The following SPIDR variants were observed in gnomAD, a reference collection of about 807,000 sequenced individuals.
SPIDR encodes DNA repair-scaffolding protein.
SPIDR carries 93 observed loss-of-function variants against 104.6 expected under a neutral mutation model. The ratio of observed to expected loss-of-function variants is 0.89; its 90% CI spans 0.75 to 1.06. The LOEUF is 1.06. SPIDR is among the 50% of genes least tolerant of loss of function. The pLI is 0.00. For missense variants in SPIDR, 1,154 were observed against 1,111.2 expected (o/e 1.04, Z -0.55); for synonymous variants, 431 against 416.9 (o/e 1.03, Z -0.41).
chr8:47,591,543 C>T (rs1207015261), intron 8 of SPIDR, among the ~76,000 whole-genome samples: 1 of 151,758 alleles, frequency 6.6e-6, no homozygotes, highest in Non-Finnish European at 1.5e-5. Context: ...TGGTCACAAG[C>T]TTTTTTTGAA....
At chr8:47,319,419 A>T (rs1407335569) in intron 5 of SPIDR, among the ~76,000 whole-genome samples, 1 of 152,224 alleles carries the variant, frequency 6.6e-6, no homozygotes, top group Non-Finnish European at 1.5e-5. Context: ...TATGCACCCA[A>T]TACGGGAGCA....
intron 10 of SPIDR, among the ~76,000 whole-genome samples, chr8:47,654,425 G>A (rs984026859): frequency 2.0e-5 from 3 of 152,210 alleles, no homozygotes; most frequent in Non-Finnish European, 4.4e-5. Flanking sequence ...GAGACTCAGT[G>A]ACTGGGAGAA....
At chr8:47,726,596 C>T (rs925232475) in intron 16 of SPIDR, among the ~76,000 whole-genome samples, 5 of 152,222 alleles carry the variant, frequency 3.3e-5, no homozygotes, top group Admixed American at 2.0e-4. Flanking sequence ...GCTGAGGCCC[C>T]GTGTGGCCCG....
At chr8:47,509,627 A>T (rs1486893058) in intron 8 of SPIDR, among the ~76,000 whole-genome samples, 1 of 152,174 alleles carries the variant, frequency 6.6e-6, no homozygotes, top group Admixed American at 6.5e-5. Context: ...AAGTCGCATA[A>T]CTTTTCAGCC....
intron 7 of SPIDR, among the ~76,000 whole-genome samples, chr8:47,427,728 G>A (rs2066655822): frequency 6.6e-6 from 1 of 152,150 alleles, no homozygotes; most frequent in African/African-American, 2.4e-5. Flanking sequence ...GCCCCACAGT[G>A]CAGCCCACAG....
At chr8:47,295,516 T>C (rs1438047405) in intron 5 of SPIDR, among the ~76,000 whole-genome samples, 8 of 152,200 alleles carry the variant, frequency 5.3e-5, no homozygotes, top group Admixed American at 5.2e-4. Flanking sequence ...CTGTGAGTTC[T>C]ACTTTTTTAG....
chr8:47,319,974 A>G (rs1181624586), intron 5 of SPIDR, among the ~76,000 whole-genome samples: 35 of 151,936 alleles, frequency 2.3e-4, no homozygotes, highest in Non-Finnish European at 4.7e-4. Flanking sequence ...TTATAGCACT[A>G]AATGCCCACA....
intron 5 of SPIDR, among the ~76,000 whole-genome samples, chr8:47,351,508 C>T (rs1554622378): frequency 6.6e-6 from 1 of 152,064 alleles, no homozygotes; most frequent in East Asian, 1.9e-4. Context: ...AGTATGGGAC[C>T]ATAGGGTGGG....
chr8:47,310,263 G>A (rs782327330), intron 5 of SPIDR, among the ~76,000 whole-genome samples: 3 of 151,496 alleles, frequency 2.0e-5, no homozygotes, highest in African/African-American at 4.9e-5. Context: ...GAACCCAGGA[G>A]GTGGAGGTCG....
chr8:47,543,965 T>G (rs2088759169), intron 8 of SPIDR, among the ~76,000 whole-genome samples: 1 of 152,152 alleles, frequency 6.6e-6, no homozygotes, highest in South Asian at 2.1e-4. Context: ...TTCCGCTTAC[T>G]CCTTAGGGAA....
At chr8:47,359,405 G>T (rs1388811348) in intron 5 of SPIDR, among the ~76,000 whole-genome samples, 1 of 152,016 alleles carries the variant, frequency 6.6e-6, no homozygotes, top group Non-Finnish European at 1.5e-5. Context: ...AGGAGTCCTG[G>T]GTCCCCTTTG....
chr8:47,402,672 A>G (rs1213660628), intron 6 of SPIDR, among the ~76,000 whole-genome samples: 6 of 152,108 alleles, frequency 3.9e-5, no homozygotes, highest in Admixed American at 1.3e-4. Flanking sequence ...GAATCCCTGA[A>G]TAGACCAATA....
At chr8:47,398,744 C>A (rs1349388759) in intron 6 of SPIDR, among the ~76,000 whole-genome samples, 6 of 152,162 alleles carry the variant, frequency 3.9e-5, no homozygotes, top group African/African-American at 1.4e-4. Context: ...TAGGTCAGGT[C>A]ACAGGAGATC....
chr8:47,590,045 G>C lies in SPIDR; in HGVS notation c.1098-5766G>C, dbSNP rs565231534. On this transcript the variant is annotated intron_variant, in intron 8 of 19. Coordinates refer to ENST00000297423, the MANE Select transcript of SPIDR (RefSeq NM_001080394.4). ...AAAAATTAGCCGGGACTGGTGGTGGGCACCTGTAATCCCAGCTACTCAGGA... is the reference window on the plus strand; with the variant it reads ...AAAAATTAGCCGGGACTGGTGGTGGCCACCTGTAATCCCAGCTACTCAGGA... Among the ~76,000 whole-genome samples, 3 of 151,856 alleles carry C rather than the reference G, an allele frequency of 2.0e-5. 1 individual carries two copies. The South Asian group carries it at 6.2e-4, about 32-fold the overall frequency.
chr8:47,357,924 A>G (rs782392028), intron 5 of SPIDR: 1 of 938,376 alleles, frequency 1.1e-6, no homozygotes, highest in Non-Finnish European at 1.3e-6. Context: ...CTGTGATTTC[A>G]GCAGGCTTGC....
At chr8:47,438,034 A>G (rs1292039200) in intron 7 of SPIDR, among the ~76,000 whole-genome samples, 1 of 152,252 alleles carries the variant, frequency 6.6e-6, no homozygotes, top group African/African-American at 2.4e-5. Context: ...CATTTATAAA[A>G]TCTGTCAGGG....
At chr8:47,573,825 C>T (rs977360146) in intron 8 of SPIDR, among the ~76,000 whole-genome samples, 3 of 152,232 alleles carry the variant, frequency 2.0e-5, no homozygotes, top group Admixed American at 6.5e-5. Context: ...ATATGATACA[C>T]GCCCTGCTAT....
intron 5 of SPIDR, among the ~76,000 whole-genome samples, chr8:47,309,343 T>C (rs1211957918): frequency 6.6e-6 from 1 of 152,206 alleles, no homozygotes; most frequent in African/African-American, 2.4e-5. Flanking sequence ...TTTTTACTGT[T>C]ATTTTATATT....
At chr8:47,386,913 A>G (rs1554648644) in intron 5 of SPIDR, among the ~76,000 whole-genome samples, 1 of 24,818 alleles carries the variant, frequency 4.0e-5, no homozygotes, top group South Asian at 7.8e-4. Context: ...AGATATAGAT[A>G]TAGATATAGA....
Sources: gnomAD v4.1 joint callset for allele counts (sites outside exome capture counted in the v4.1 genomes callset) on GRCh38, gnomAD v4.1.1 for gene constraint, MANE v1.5 for transcripts, NCBI Gene and HGNC (gene_info 2026-07-23, HGNC 2026-07-21) for gene names.